UBAC2: variants seen among roughly 807,000 people sequenced by gnomAD.
UBAC2 encodes UBA domain containing 2, also known as ubiquitin-associated domain-containing protein 2.
Under a neutral mutation model 44.0 loss-of-function variants are expected in UBAC2, and 26 were observed. That is an observed-to-expected ratio of 0.59 (90% CI 0.43 to 0.82). UBAC2 has a LOEUF of 0.82. Among genes scored for constraint, UBAC2 ranks in the 40% least tolerant of loss-of-function variants. UBAC2 has a pLI of 0.00. For missense variants in UBAC2, 329 were observed against 419.4 expected (o/e 0.78, Z 1.88); for synonymous variants, 155 against 154.3 (o/e 1.00, Z -0.04).
intron 4 of UBAC2, among the ~76,000 whole-genome samples, chr13:99,272,147 T>C (rs537811606): frequency 3.3e-5 from 5 of 152,338 alleles, no homozygotes; most frequent in African/African-American, 1.2e-4. Flanking sequence ...TCACCTCTTT[T>C]AGCTCTACTA....
intron 4 of UBAC2, among the ~76,000 whole-genome samples, chr13:99,264,622 T>G (rs1055647009): frequency 2.1e-4 from 32 of 152,176 alleles, no homozygotes; most frequent in African/African-American, 7.0e-4. Flanking sequence ...CTCATTTCTC[T>G]GATGGTCACT....
At chr13:99,315,426 A>G (rs1189775180) in intron 5 of UBAC2, among the ~76,000 whole-genome samples, 6 of 152,208 alleles carry the variant, frequency 3.9e-5, no homozygotes, top group Middle Eastern at 3.2e-3. Flanking sequence ...AAACCCTCTG[A>G]GCCTCACATT....
intron 1 of UBAC2, among the ~76,000 whole-genome samples, chr13:99,225,683 A>G (rs2043103141): frequency 6.6e-6 from 1 of 152,218 alleles, no homozygotes; most frequent in African/African-American, 2.4e-5. Context: ...GGCATGAGGG[A>G]TGCTGCAACA....
intron 1 of UBAC2, among the ~76,000 whole-genome samples, chr13:99,234,896 GA>G (rs1367331839): frequency 6.6e-6 from 1 of 152,020 alleles, no homozygotes; most frequent in Admixed American, 6.5e-5. Context: ...GTTCTATTGG[GA>G]AAAAAAGTGA....
chr13:99,250,891 C>T (rs1460685969), intron 4 of UBAC2, among the ~76,000 whole-genome samples: 3 of 152,028 alleles, frequency 2.0e-5, no homozygotes, highest in Non-Finnish European at 4.4e-5. Context: ...GGATTACAGG[C>T]GCCCACCACC....
At position 99,385,304 on chromosome 13, in the gene UBAC2, A is replaced by T; in HGVS notation, c.1004A>T (p.Asn335Ile). ...EALRASNNDL[N>I]VATNFLLQH is the part of the protein sequence containing the mutation. ...CTGAGAGCTTCAAACAATGACCTCA[A>T]TGTCGCCACCAACTTCCTGCTGCAG... Residue 335 changes from asparagine (N) to isoleucine (I), a missense_variant, in exon 9 of 9, where the codon AAT becomes ATT. Transcript: ENST00000403766. 1 of 1,614,116 alleles carries T rather than the reference A, an allele frequency of 6.2e-7. No homozygotes were observed. Among genetic ancestry groups the T allele is most frequent in the Non-Finnish European group, 8.5e-7 (1 of 1,180,002 alleles).
intron 1 of UBAC2, among the ~76,000 whole-genome samples, chr13:99,223,540 C>CTTTTTTTTTTTTT (rs1217614346): frequency 2.9e-5 from 1 of 34,916 alleles, no homozygotes; most frequent in Non-Finnish European, 5.8e-5. Context: ...TTCTCTTTTT[C>CTTTTTTTTTTTTT]TGTTTTTTTT....
intron 3 of UBAC2, 113 bp from the exon 4 acceptor site, chr13:99,244,402 C>CACACATATGCATGTGTGTATATAT (rs2043356350): frequency 1.4e-5 from 8 of 566,736 alleles, no homozygotes; most frequent in Non-Finnish European, 2.2e-5. Flanking sequence ...TGTGTATATA[C>CACACATATGCATGTGTGTATATAT]ACACACACAC....
At chr13:99,291,491 A>C (rs1312763600) in intron 4 of UBAC2, among the ~76,000 whole-genome samples, 2 of 152,238 alleles carry the variant, frequency 1.3e-5, no homozygotes, top group Non-Finnish European at 2.9e-5. Flanking sequence ...AATGGTCCAA[A>C]AAGTAACCAA....
At chr13:99,273,777 G>A (rs1290003539) in intron 4 of UBAC2, among the ~76,000 whole-genome samples, 1 of 151,056 alleles carries the variant, frequency 6.6e-6, no homozygotes, top group East Asian at 1.9e-4. Flanking sequence ...GAATTATTTT[G>A]ATCACCTCCT....
rs547284641 is a variant in UBAC2, at chr13:99,285,101, TA to T, written c.390-28995del. Among the ~76,000 whole-genome samples, 345 of 152,326 alleles carry T rather than the reference TA, an allele frequency of 2.3e-3. 2 individuals are homozygous for T. The highest frequency in any genetic ancestry group is 9.1e-3 in the South Asian group (44 of 4,830). The stretch of plus-strand genomic sequence containing the variant: ...GAAAGCTCTAAAATGGCATTTCTTA[TA>T]TAACCATAATGTTACCTTACCTAAC... On this transcript the variant is annotated intron_variant, in intron 4 of 8. Transcript: ENST00000403766.
At chr13:99,312,483 T>G (rs1001591741) in intron 4 of UBAC2, among the ~76,000 whole-genome samples, 12 of 152,196 alleles carry the variant, frequency 7.9e-5, no homozygotes, top group African/African-American at 2.7e-4. Flanking sequence ...TTCCGTCCTG[T>G]GATGAGTTCC....
chr13:99,232,799 G>A (rs557622748), intron 1 of UBAC2, among the ~76,000 whole-genome samples: 2 of 152,064 alleles, frequency 1.3e-5, no homozygotes, highest in African/African-American at 2.4e-5. Flanking sequence ...AAACCTGGCC[G>A]GTCATGGGGC....
intron 4 of UBAC2, chr13:99,254,705 C>A: frequency 1.7e-6 from 1 of 574,094 alleles, no homozygotes; most frequent in Non-Finnish European, 2.9e-6. Context: ...AAATCAGATG[C>A]TTTTCTCTGA....
At chr13:99,254,070 A>G (rs570598166) in intron 4 of UBAC2, among the ~76,000 whole-genome samples, 2 of 152,228 alleles carry the variant, frequency 1.3e-5, no homozygotes, top group East Asian at 1.9e-4. Flanking sequence ...GGTTCCTACT[A>G]GTACTATTTA....
At chr13:99,272,678 T>C (rs1302374048) in intron 4 of UBAC2, among the ~76,000 whole-genome samples, 14 of 152,180 alleles carry the variant, frequency 9.2e-5, no homozygotes, top group Admixed American at 9.2e-4. Flanking sequence ...CTTTGGTCTC[T>C]CTTCCTCCTC....
chr13:99,385,392 C>CACCATCAGATCAGCCCGGGG lies in UBAC2; in HGVS notation c.*61_*80dup. The CACCATCAGATCAGCCCGGGG allele has an allele frequency of 7.1e-7, 1 of 1,411,666 alleles. No individual in the cohort carries two copies. Among genetic ancestry groups the CACCATCAGATCAGCCCGGGG allele is most frequent in the South Asian group, 1.2e-5 (1 of 86,662 alleles). The allele number at this position is 1,411,666 out of a possible 1,614,324, so 87.4% of individuals were successfully genotyped here. A position where few individuals can be genotyped will look rare whatever the true frequency, so the allele number is the denominator to read the frequency against. On this transcript the variant is annotated 3_prime_UTR_variant, in exon 9 of 9. Transcript: ENST00000403766. ...CAGCCGAGTGACAGTGCGTGGTCCCCACCATCAGATCAGCCCGGGGACCGA... is the reference window on the plus strand; with the variant it reads ...CAGCCGAGTGACAGTGCGTGGTCCCCACCATCAGATCAGCCCGGGGACCATCAGATCAGCCCGGGGACCGA...
intron 7 of UBAC2, among the ~76,000 whole-genome samples, chr13:99,341,630 A>G (rs913248610): frequency 2.0e-5 from 3 of 152,164 alleles, no homozygotes; most frequent in African/African-American, 7.2e-5. Flanking sequence ...TCACCTCTGT[A>G]GGGATGAGAG....
intron 7 of UBAC2, among the ~76,000 whole-genome samples, chr13:99,349,403 A>C (rs1335704553): frequency 6.6e-6 from 1 of 152,228 alleles, no homozygotes; most frequent in Non-Finnish European, 1.5e-5. Context: ...AGATTGTAAT[A>C]AATAAAGACA....
Sources: allele counts gnomAD v4.1 joint callset (sites outside exome capture counted in the v4.1 genomes callset), GRCh38; gene constraint gnomAD v4.1.1; transcripts MANE v1.5; gene names NCBI Gene and HGNC (gene_info 2026-07-23, HGNC 2026-07-21).